DNAH11: variants seen among roughly 807,000 people sequenced by gnomAD.
DNAH11 encodes axonemal beta dynein heavy chain 11.
A neutral mutation model predicts 526.0 loss-of-function variants in DNAH11; 442 were observed. The observed-to-expected ratio is 0.84, with a 90% CI of 0.78 to 0.91. The LOEUF (loss-of-function observed/expected upper bound fraction) is 0.91, where lower values mean the gene tolerates loss of function less well. Ranked by LOEUF, DNAH11 falls within the 40% of genes least tolerant of loss-of-function variation. The pLI, the probability that DNAH11 is intolerant of heterozygous loss-of-function variation, is 0.00. For synonymous variants in DNAH11, 2,461 were observed against 1,935.9 expected (o/e 1.27, Z -7.12); for missense variants, 6,989 against 5,448.7 (o/e 1.28, Z -8.90).
intron 45 of DNAH11, among the ~76,000 whole-genome samples, chr7:21,730,283 A>G (rs538245725): frequency 1.1e-4 from 17 of 152,352 alleles, no homozygotes; most frequent in African/African-American, 3.1e-4. Flanking sequence ...ACACAATGGC[A>G]TACAGGTTGA....
intron 5 of DNAH11, among the ~76,000 whole-genome samples, chr7:21,563,676 A>G (rs1783553032): frequency 6.6e-6 from 1 of 152,178 alleles, no homozygotes; most frequent in African/African-American, 2.4e-5. Context: ...TGTACTTAAC[A>G]ATTTTAAGTT....
chr7:21,849,402 C>T (rs1478108862), intron 66 of DNAH11, among the ~76,000 whole-genome samples: 1 of 152,220 alleles, frequency 6.6e-6, no homozygotes, highest in African/African-American at 2.4e-5. Flanking sequence ...TACTCCTTCT[C>T]TAGTACTCTT....
At chr7:21,869,078 T>A in intron 73 of DNAH11, 87 bp downstream of exon 73, 1 of 1,568,346 alleles carries the variant, frequency 6.4e-7, no homozygotes, top group Admixed American at 1.9e-5. Flanking sequence ...AATGCTCCCT[T>A]AACACCGCTG....
At chr7:21,692,439 G>C (rs769209429) in intron 35 of DNAH11, among the ~76,000 whole-genome samples, 4 of 152,136 alleles carry the variant, frequency 2.6e-5, no homozygotes, top group Non-Finnish European at 5.9e-5. Flanking sequence ...GTACGTTTTT[G>C]TGTCTGGCTT....
intron 25 of DNAH11, among the ~76,000 whole-genome samples, chr7:21,624,237 T>A (rs538286176): frequency 6.6e-6 from 1 of 152,278 alleles, no homozygotes; most frequent in East Asian, 1.9e-4. Context: ...TATCTACATT[T>A]TTTCATCAAT....
chr7:21,671,690 C>A (rs1782648962), intron 30 of DNAH11, among the ~76,000 whole-genome samples: 1 of 152,056 alleles, frequency 6.6e-6, no homozygotes, highest in Non-Finnish European at 1.5e-5. Context: ...CTTTCTTCTA[C>A]TTACTTTGAG....
chr7:21,671,665 T>G (rs1782647707), intron 30 of DNAH11, among the ~76,000 whole-genome samples: 1 of 152,200 alleles, frequency 6.6e-6, no homozygotes, highest in South Asian at 2.1e-4. Flanking sequence ...TCTCTGCCCT[T>G]ATTTTGATTA....
chr7:21,818,472 C>T, intron 65 of DNAH11, 133 bp downstream of exon 65: 1 of 898,996 alleles, frequency 1.1e-6, no homozygotes, highest in Non-Finnish European at 1.6e-6. Flanking sequence ...TGCACCTACA[C>T]TCCAAGACCA....
At chr7:21,899,215 A>G in intron 79 of DNAH11, 121 bp from the exon 80 acceptor site, 1 of 751,312 alleles carries the variant, frequency 1.3e-6, no homozygotes, top group Non-Finnish European at 2.4e-6. Flanking sequence ...GGATTTTACC[A>G]GCTAGCAGTG....
At chr7:21,643,929 T>C (rs914002480) in intron 28 of DNAH11, among the ~76,000 whole-genome samples, 1 of 152,188 alleles carries the variant, frequency 6.6e-6, no homozygotes, top group Non-Finnish European at 1.5e-5. Flanking sequence ...TGACTTAATG[T>C]GGCTGCTAGA....
At chr7:21,866,811 C>A in intron 71 of DNAH11, 148 bp downstream of exon 71, 1 of 912,250 alleles carries the variant, frequency 1.1e-6, no homozygotes, top group Non-Finnish European at 1.6e-6. Context: ...ATCACTGCTA[C>A]TGTTAAAATT....
chr7:21,676,177 A>G (rs1782874545), intron 30 of DNAH11, among the ~76,000 whole-genome samples: 1 of 152,194 alleles, frequency 6.6e-6, no homozygotes, highest in Admixed American at 6.5e-5. Flanking sequence ...CTAGTTCAAG[A>G]TACATGCTGT....
rs1364742530 is a variant in DNAH11 at position 21,786,740 on chromosome 7, G to A, written c.9714G>A (p.Trp3238Ter). Residue 3238 changes from tryptophan (W) to a stop codon, truncating the protein, a stop_gained, in exon 59 of 82, where the codon TGG becomes TGA. Transcript: ENST00000409508. LOFTEE classifies it high-confidence loss of function. ...PRGRVPKDRS[W>*]KAAKVFMGKV... ...GAAGAGTGCCCAAAGACCGAAGTTG[G>A]AAAGCAGCTAAAGTCTTCATGGGAA... 6.2e-7 allele frequency: 1 copy of A among 1,613,816 alleles called. No individual in the cohort carries two copies. The highest frequency in any genetic ancestry group is 8.5e-7 in the Non-Finnish European group (1 of 1,179,754).
chr7:21,800,360 A>G (rs1199022883), intron 61 of DNAH11, among the ~76,000 whole-genome samples: 9 of 152,266 alleles, frequency 5.9e-5, no homozygotes, highest in African/African-American at 1.9e-4. Context: ...GGTCAGGCAC[A>G]GTGGCTCATG....
At position 21,899,998 on chromosome 7, in the gene DNAH11, C is replaced by T; in HGVS notation, c.13181C>T (p.Ala4394Val). 1 of 1,613,790 alleles carries T rather than the reference C, an allele frequency of 6.2e-7. No homozygotes were observed. The highest frequency in any genetic ancestry group is 1.3e-5 in the African/African-American group (1 of 75,000). ...SFLTAIMQTM[A>V]RKNEWPLDKT... ...TCCAAAGCAATCATGCAGACGATGGCTCGAAAAAATGAGTGGCCCCTGGAT... is the reference window on the plus strand; with the variant it reads ...TCCAAAGCAATCATGCAGACGATGGTTCGAAAAAATGAGTGGCCCCTGGAT... Residue 4394 changes from alanine (A) to valine (V), a missense_variant, in exon 81 of 82, where the codon GCT (alanine) becomes GTT (valine). Physicochemically the swap from Ala to Val is moderately conservative, Grantham distance 64. Coordinates refer to ENST00000409508, the MANE Select transcript of DNAH11 (RefSeq NM_001277115.2).
intron 34 of DNAH11, among the ~76,000 whole-genome samples, chr7:21,687,996 A>G (rs1783455168): frequency 6.6e-6 from 1 of 152,188 alleles, no homozygotes; most frequent in South Asian, 2.1e-4. Context: ...CAGGAGGTCA[A>G]GGCTGCAGTG....
Position 21,852,549 on chromosome 7 carries a change from C to G in DNAH11, c.10979C>G (p.Ala3660Gly). ...GATCTCCTTTTGCGCCTTTCTGCGG[C>G]AGAGGGAAGCTTTCTGGATGACACC... Reference protein sequence around the residue: ...EDDLLLRLSAAEGSFLDDTKL... With the variant: ...EDDLLLRLSAGEGSFLDDTKL... Residue 3660 changes from alanine to glycine, a missense_variant, in exon 67 of 82, where the codon GCA becomes GGA. Ala to Gly is a moderately conservative substitution (Grantham distance 60, BLOSUM62 0). Coordinates refer to ENST00000409508, the MANE Select transcript of DNAH11 (RefSeq NM_001277115.2). The G allele has an allele frequency of 6.2e-7, 1 of 1,612,838 alleles. No individual in the cohort carries two copies. Among genetic ancestry groups the G allele is most frequent in the Non-Finnish European group, 8.5e-7 (1 of 1,179,578 alleles).
chr7:21,846,630 C>G (rs937339846), intron 66 of DNAH11, among the ~76,000 whole-genome samples: 2 of 152,116 alleles, frequency 1.3e-5, no homozygotes, highest in African/African-American at 4.8e-5. Flanking sequence ...AGGATGTTCA[C>G]AACTATGCTC....
intron 42 of DNAH11, among the ~76,000 whole-genome samples, chr7:21,715,326 A>T (rs1784612356): frequency 6.6e-6 from 1 of 152,202 alleles, no homozygotes; most frequent in Non-Finnish European, 1.5e-5. Context: ...CACTTGATAA[A>T]CCTGGAACAG....
Sources: allele counts gnomAD v4.1 joint callset (sites outside exome capture counted in the v4.1 genomes callset), GRCh38; gene constraint gnomAD v4.1.1; transcripts MANE v1.5; gene names NCBI Gene and HGNC (gene_info 2026-07-23, HGNC 2026-07-21).